Variants in IQSEC2 observed in about 807,000 individuals in gnomAD.
IQSEC2 encodes IQ motif and Sec7 domain ArfGEF 2, also known as IQ motif and SEC7 domain-containing protein 2.
In IQSEC2, 6 loss-of-function variants were observed where a neutral mutation model predicts 74.6. That is an observed-to-expected ratio of 0.08 (90% CI 0.04 to 0.16). The LOEUF (loss-of-function observed/expected upper bound fraction) is 0.16. IQSEC2 is among the 10% of genes least tolerant of loss of function. The pLI is 1.00. For missense variants in IQSEC2, 734 were observed against 1,306.2 expected (o/e 0.56, Z 6.75); for synonymous variants, 494 against 544.5 (o/e 0.91, Z 1.29).
At chrX:53,289,531 C>T (rs782587209) in intron 2 of IQSEC2, among the ~76,000 whole-genome samples, 21 of 111,492 alleles carry the variant, frequency 1.9e-4, no homozygotes, top group Middle Eastern at 4.6e-3. Flanking sequence ...CAAATCTGCA[C>T]GGCAGTCCCC....
chrX:53,257,254 G>A (rs1340307216), intron 2 of IQSEC2, among the ~76,000 whole-genome samples: 1 of 112,406 alleles, frequency 8.9e-6, no homozygotes, highest in Non-Finnish European at 1.9e-5. Context: ...TAGGTACTGG[G>A]GGGGACCCTA....
chrX:53,312,743 T>C (rs1271480093), intron 1 of IQSEC2, among the ~76,000 whole-genome samples: 3 of 112,282 alleles, frequency 2.7e-5, no homozygotes, highest in Non-Finnish European at 5.6e-5. Flanking sequence ...CTCAGATTTA[T>C]AAGAAAATGT....
intron 8 of IQSEC2, among the ~76,000 whole-genome samples, chrX:53,245,248 C>T (rs1234374745): frequency 1.8e-5 from 2 of 109,824 alleles, no homozygotes; most frequent in East Asian, 2.8e-4. Flanking sequence ...GGCAACCTAG[C>T]AAGACCCTGT....
intron 2 of IQSEC2, among the ~76,000 whole-genome samples, chrX:53,278,722 C>G (rs968735165): frequency 1.8e-5 from 2 of 112,530 alleles, no homozygotes; most frequent in African/African-American, 6.4e-5. Flanking sequence ...GACATTTATT[C>G]TAAATAGTCC....
intron 14 of IQSEC2, among the ~76,000 whole-genome samples, chrX:53,235,417 C>T (rs1199966196): frequency 9.0e-6 from 1 of 111,651 alleles, no homozygotes; most frequent in African/African-American, 3.3e-5. Flanking sequence ...TTAGCAGTAC[C>T]TCCTCCTCAT....
At chrX:53,270,791 C>A (rs1238754295) in intron 2 of IQSEC2, among the ~76,000 whole-genome samples, 1 of 110,885 alleles carries the variant, frequency 9.0e-6, no homozygotes, top group Non-Finnish European at 1.9e-5. Context: ...TTACTGCGAA[C>A]TCCAGCCTCT....
At chrX:53,310,172 T>C (rs183023480) in intron 1 of IQSEC2, among the ~76,000 whole-genome samples, 9 of 111,114 alleles carry the variant, frequency 8.1e-5, no homozygotes, top group African/African-American at 2.9e-4. Context: ...GGAGGATTGC[T>C]TGAGCCTAAG....
intron 1 of IQSEC2, among the ~76,000 whole-genome samples, chrX:53,295,282 A>G (rs1556873975): frequency 8.9e-6 from 1 of 112,023 alleles, no homozygotes; most frequent in African/African-American, 3.2e-5. Flanking sequence ...ATGTAATCTG[A>G]CCAGAGATTT....
rs782524925 is a variant in IQSEC2, at chrX:53,320,449, G to A, written c.675C>T (p.Thr225=). 11 of 1,165,311 alleles carry A rather than the reference G, an allele frequency of 9.4e-6. 1 individual carries two copies. The African/African-American group carries it at 1.8e-4, about 19-fold the overall frequency. Residue 225 remains threonine, a synonymous_variant, in exon 1 of 15, where the codon ACC becomes ACT. Coordinates refer to ENST00000642864, the MANE Select transcript of IQSEC2 (RefSeq NM_001111125.3). ...PGAGGGHSTS[T]STSPATTLQR... ...GGAGGGTCGTGGCCGGGCTGGTGCT[G>A]GTACTGGTGCTGTGGCCTCCGCCGG...
intron 2 of IQSEC2, among the ~76,000 whole-genome samples, chrX:53,277,965 C>T (rs781860020): frequency 1.4e-4 from 15 of 106,842 alleles, no homozygotes; most frequent in African/African-American, 5.1e-4. Context: ...GCCACTGTGT[C>T]CAACCAATAT....
chrX:53,282,775 CT>C (rs5902517), intron 2 of IQSEC2, among the ~76,000 whole-genome samples: 77 of 98,086 alleles, frequency 7.9e-4, no homozygotes, highest in African/African-American at 2.0e-3. Context: ...TAGCATCTGC[CT>C]TTTTTTTTTT....
At chrX:53,283,404 A>G (rs1054251782) in intron 2 of IQSEC2, among the ~76,000 whole-genome samples, 10 of 111,449 alleles carry the variant, frequency 9.0e-5, no homozygotes, top group Non-Finnish European at 1.9e-4. Flanking sequence ...TTGCTCATCT[A>G]TGGAAGAGGA....
intron 2 of IQSEC2, among the ~76,000 whole-genome samples, chrX:53,283,533 G>A (rs1446267641): frequency 1.8e-5 from 2 of 112,239 alleles, no homozygotes; most frequent in African/African-American, 6.5e-5. Flanking sequence ...AGAGGCAGAG[G>A]AGACCCATGG....
intron 1 of IQSEC2, among the ~76,000 whole-genome samples, chrX:53,306,555 G>A (rs2075265072): frequency 9.0e-6 from 1 of 111,435 alleles, no homozygotes; most frequent in Admixed American, 9.6e-5. Context: ...TATGTGGGGG[G>A]CCTACTAATA....
At chrX:53,270,314 C>T (rs1265672119) in intron 2 of IQSEC2, among the ~76,000 whole-genome samples, 1 of 111,381 alleles carries the variant, frequency 9.0e-6, no homozygotes, top group Non-Finnish European at 1.9e-5. Context: ...GATGTTGCCC[C>T]TACCATCTCA....
chrX:53,310,511 C>T (rs782001405), intron 1 of IQSEC2, among the ~76,000 whole-genome samples: 8 of 111,850 alleles, frequency 7.2e-5, no homozygotes, highest in South Asian at 3.8e-4. Context: ...GGCCATCCTG[C>T]GGGTTGGGGT....
Position 53,239,219 on chromosome X carries a change from G to A in IQSEC2, c.3091C>T (p.His1031Tyr). The stretch of plus-strand genomic sequence containing the variant: ...CATGAATTCTGGAAGAGCTGCATGT[G>A]CATTTCCACGAGGGGGAAAGACTGA... ...FRQSFPLVEM[H>Y]MQLFQNSYYQ... The change falls in exon 11 of 15, where the codon CAC becomes TAC. Residue 1031 changes from histidine to tyrosine, a missense_variant. His to Tyr is a moderately conservative substitution (Grantham distance 83). Transcript: ENST00000642864. The A allele has an allele frequency of 8.3e-7, 1 of 1,206,859 alleles. No homozygotes were observed. The highest frequency in any genetic ancestry group is 1.1e-6 in the Non-Finnish European group (1 of 891,115).
chrX:53,245,453 T>C (rs1186314176), intron 8 of IQSEC2, among the ~76,000 whole-genome samples: 1 of 99,899 alleles, frequency 1.0e-5, no homozygotes, highest in Non-Finnish European at 2.1e-5. Flanking sequence ...AAAAAACAAA[T>C]AAAATAAAAA....
chrX:53,274,712 C>T (rs1308610011), intron 2 of IQSEC2, among the ~76,000 whole-genome samples: 1 of 110,458 alleles, frequency 9.1e-6, no homozygotes, highest in Non-Finnish European at 1.9e-5. Context: ...CCGCCTGCCT[C>T]GGCCTCCCAA....
Sources: gnomAD v4.1 joint callset for allele counts (sites outside exome capture counted in the v4.1 genomes callset) on GRCh38, gnomAD v4.1.1 for gene constraint, MANE v1.5 for transcripts, NCBI Gene and HGNC (gene_info 2026-07-23, HGNC 2026-07-21) for gene names.